Variants in LSAMP observed in about 807,000 individuals in gnomAD.
The protein encoded by LSAMP is limbic system-associated membrane protein.
In LSAMP, 7 loss-of-function variants were observed where a neutral mutation model predicts 38.6. The observed-to-expected ratio is 0.18, with a 90% confidence interval of 0.10 to 0.34. The LOEUF (loss-of-function observed/expected upper bound fraction) is 0.34, where lower values mean the gene tolerates loss of function less well. Among genes scored for constraint, LSAMP ranks in the 10% least tolerant of loss-of-function variants. The pLI is 1.00. For synonymous variants in LSAMP, 154 were observed against 166.8 expected (o/e 0.92, Z 0.59); for missense variants, 313 against 420.0 (o/e 0.75, Z 2.23).
intron 2 of LSAMP, among the ~76,000 whole-genome samples, chr3:116,081,384 G>A (rs1469514577): frequency 6.6e-6 from 1 of 151,930 alleles, no homozygotes; most frequent in Non-Finnish European, 1.5e-5. Flanking sequence ...AACCTGGGAA[G>A]CAGAGGTTGC....
chr3:116,039,407 T>C (rs549415419), intron 2 of LSAMP, among the ~76,000 whole-genome samples: 1 of 152,328 alleles, frequency 6.6e-6, no homozygotes, highest in South Asian at 2.1e-4. Context: ...CCAGAAGCTA[T>C]TATTCACTCT....
At chr3:115,848,067 AC>A (rs1227206788) in intron 4 of LSAMP, among the ~76,000 whole-genome samples, 1 of 151,448 alleles carries the variant, frequency 6.6e-6, no homozygotes, top group African/African-American at 2.5e-5. Flanking sequence ...ATATGTCTTT[AC>A]CATTACCTAC....
intron 1 of LSAMP, among the ~76,000 whole-genome samples, chr3:116,253,521 G>A (rs1445695564): frequency 1.3e-5 from 2 of 152,106 alleles, no homozygotes; most frequent in African/African-American, 4.8e-5. Context: ...CCCAAAATAA[G>A]ACTACAGAGG....
At chr3:116,034,285 C>T (rs76223011) in intron 2 of LSAMP, among the ~76,000 whole-genome samples, 2,065 of 152,072 alleles carry the variant, frequency 0.014, 46 homozygotes, top group African/African-American at 0.046. Context: ...TTCCAAACAG[C>T]TCCAGATGGA....
chr3:116,265,824 T>C (rs2107663764), intron 1 of LSAMP, among the ~76,000 whole-genome samples: 1 of 152,350 alleles, frequency 6.6e-6, no homozygotes, highest in South Asian at 2.1e-4. Flanking sequence ...CTTTCCCTAA[T>C]CCTCTTGACC....
At chr3:116,139,845 G>A (rs755735574) in intron 1 of LSAMP, among the ~76,000 whole-genome samples, 1 of 152,026 alleles carries the variant, frequency 6.6e-6, no homozygotes, top group East Asian at 1.9e-4. Context: ...TATAGAGAGG[G>A]GAGCATTGTC....
At chr3:116,041,038 C>T (rs1213147740) in intron 2 of LSAMP, among the ~76,000 whole-genome samples, 5 of 152,196 alleles carry the variant, frequency 3.3e-5, no homozygotes, top group Admixed American at 6.5e-5. Context: ...AGCATCCCGC[C>T]TCAGCTTCCA....
chr3:115,967,970 A>T (rs1210886669), intron 3 of LSAMP, among the ~76,000 whole-genome samples: 2 of 152,010 alleles, frequency 1.3e-5, no homozygotes, highest in African/African-American at 4.8e-5. Context: ...CCCTGTGACC[A>T]CCACCATCCT....
chr3:116,240,108 G>T (rs1004782197), intron 1 of LSAMP, among the ~76,000 whole-genome samples: 2 of 152,116 alleles, frequency 1.3e-5, no homozygotes, highest in Non-Finnish European at 2.9e-5. Context: ...TACAATTGAT[G>T]ATTATTATAA....
chr3:115,838,480 G>A (rs184587819), intron 6 of LSAMP, among the ~76,000 whole-genome samples: 10 of 152,294 alleles, frequency 6.6e-5, no homozygotes, highest in African/African-American at 7.2e-5. Context: ...GCATATCCCC[G>A]TCTGAGAAAG....
At chr3:115,893,437 G>A (rs1290820239) in intron 3 of LSAMP, among the ~76,000 whole-genome samples, 1 of 152,026 alleles carries the variant, frequency 6.6e-6, no homozygotes, top group Admixed American at 6.6e-5. Flanking sequence ...GCACTTAGCT[G>A]TTGTAGCTCA....
intron 1 of LSAMP, among the ~76,000 whole-genome samples, chr3:116,370,884 TAGA>T (rs2048421713): frequency 6.6e-6 from 1 of 152,086 alleles, no homozygotes. Context: ...AAATCTGAAA[TAGA>T]AGTGAGGACA....
chr3:116,311,510 A>AT (rs1345073999), intron 1 of LSAMP, among the ~76,000 whole-genome samples: 2 of 152,130 alleles, frequency 1.3e-5, no homozygotes, highest in East Asian at 3.9e-4. Flanking sequence ...CAACCACTAC[A>AT]TTTTAAAAGC....
At chr3:116,402,590 C>T (rs1240724816) in intron 1 of LSAMP, among the ~76,000 whole-genome samples, 2 of 151,810 alleles carry the variant, frequency 1.3e-5, no homozygotes, top group African/African-American at 4.8e-5. Context: ...TATTTATTGG[C>T]ATTAAATAAG....
At chr3:115,850,827 C>T (rs527469292) in intron 4 of LSAMP, among the ~76,000 whole-genome samples, 14 of 152,180 alleles carry the variant, frequency 9.2e-5, no homozygotes, top group Admixed American at 6.5e-4. Context: ...AATGGTGCAT[C>T]CCAGCATAGG....
At chr3:116,174,461 T>C (rs1472777683) in intron 1 of LSAMP, among the ~76,000 whole-genome samples, 1 of 152,066 alleles carries the variant, frequency 6.6e-6, no homozygotes, top group Non-Finnish European at 1.5e-5. Flanking sequence ...TCATAATAGC[T>C]ATGTCTTTTA....
chr3:115,952,793 TTG>T, intron 3 of LSAMP, among the ~76,000 whole-genome samples: 1 of 152,094 alleles, frequency 6.6e-6, no homozygotes, highest in Non-Finnish European at 1.5e-5. Flanking sequence ...CAGAAAACAT[TTG>T]GGAAGTGGAT....
At chr3:116,421,521 G>A (rs971509461) in intron 1 of LSAMP, among the ~76,000 whole-genome samples, 5 of 141,876 alleles carry the variant, frequency 3.5e-5, no homozygotes, top group African/African-American at 1.3e-4. Context: ...TCCAGCCTGG[G>A]CAACAAGAGC....
chr3:116,083,718 G>A (rs374391949), intron 2 of LSAMP, among the ~76,000 whole-genome samples: 2 of 152,188 alleles, frequency 1.3e-5, no homozygotes, highest in African/African-American at 4.8e-5. Flanking sequence ...GTGCTGTGAG[G>A]TTAGGAAAAA....
Sources: allele counts gnomAD v4.1 joint callset (sites outside exome capture counted in the v4.1 genomes callset), GRCh38; gene constraint gnomAD v4.1.1; transcripts MANE v1.5; gene names NCBI Gene and HGNC (gene_info 2026-07-23, HGNC 2026-07-21).